Variants in HSD17B12 observed in about 807,000 individuals in gnomAD.
The protein encoded by HSD17B12 is hydroxysteroid 17-beta dehydrogenase 12.
A neutral mutation model predicts 39.3 loss-of-function variants in HSD17B12; 32 were observed. The ratio of observed to expected loss-of-function variants is 0.81; its 90% confidence interval spans 0.61 to 1.09. HSD17B12 has a LOEUF of 1.09. HSD17B12 is among the 50% of genes least tolerant of loss of function. HSD17B12 has a pLI of 0.00. For synonymous variants in HSD17B12, 150 were observed against 146.7 expected, an observed-to-expected ratio of 1.02 and a Z score of -0.16; for missense variants, 342 against 382.9, an observed-to-expected ratio of 0.89 and a Z score of 0.89.
the HSD17B12 span, among the ~76,000 whole-genome samples, chr11:43,574,237 T>C: frequency 6.6e-6 from 1 of 152,164 alleles, no homozygotes; most frequent in African/African-American, 2.4e-5. Context: ...AAAAGGGAGA[T>C]GACACAGCTG....
At chr11:43,640,443 A>G in the HSD17B12 span, among the ~76,000 whole-genome samples, 1 of 152,170 alleles carries the variant, frequency 6.6e-6, no homozygotes, top group East Asian at 1.9e-4. Context: ...AATTCAGCCT[A>G]AATTGAGTAT....
At chr11:43,678,377 G>C (rs1253214961), upstream of HSD17B12, among the ~76,000 whole-genome samples, 1 of 152,150 alleles carries the variant, frequency 6.6e-6, no homozygotes, top group Non-Finnish European at 1.5e-5. Context: ...CTCCCATTCT[G>C]TAGGTTGCCT....
intron 1 of HSD17B12, among the ~76,000 whole-genome samples, chr11:43,747,601 C>G (rs1235474185): frequency 1.3e-5 from 2 of 152,176 alleles, no homozygotes; most frequent in East Asian, 3.8e-4. Context: ...AGGAGAAAGA[C>G]ACTCCTTTGA....
chr11:43,828,054 A>G (rs981316005), intron 6 of HSD17B12, among the ~76,000 whole-genome samples: 19 of 152,228 alleles, frequency 1.2e-4, no homozygotes, highest in Middle Eastern at 3.4e-3. Context: ...ATATATGTAT[A>G]TAAAGAGGAA....
chr11:43,780,802 G>C (rs911823117), intron 3 of HSD17B12, among the ~76,000 whole-genome samples: 3 of 152,080 alleles, frequency 2.0e-5, no homozygotes, highest in Non-Finnish European at 2.9e-5. Flanking sequence ...TACATCTTTT[G>C]TCAAATTCTT....
At chr11:43,676,215 G>GTA (rs775189332), upstream of HSD17B12, among the ~76,000 whole-genome samples, 1 of 151,174 alleles carries the variant, frequency 6.6e-6, no homozygotes, top group Non-Finnish European at 1.5e-5. Flanking sequence ...GAGGGTGTGT[G>GTA]TGTGTGTGTG....
chr11:43,686,726 T>A (rs188887265), intron 1 of HSD17B12, among the ~76,000 whole-genome samples: 41 of 152,256 alleles, frequency 2.7e-4, no homozygotes, highest in African/African-American at 9.4e-4. Flanking sequence ...ATAGGCTTAT[T>A]GTGAAGGGTA....
At chr11:43,681,136 C>G (rs910831985) in intron 1 of HSD17B12, 149 bp downstream of exon 1, 3 of 1,419,782 alleles carry the variant, frequency 2.1e-6, no homozygotes, top group East Asian at 5.3e-5. Flanking sequence ...CCCCTCCTGG[C>G]TCCCTTGGCT....
chr11:43,821,746 G>A (rs960654533), intron 6 of HSD17B12, among the ~76,000 whole-genome samples: 4 of 152,154 alleles, frequency 2.6e-5, no homozygotes, highest in South Asian at 4.1e-4. Context: ...TGTACACTGA[G>A]GTTCACATCA....
chr11:43,741,193 AT>A (rs1950361289), intron 1 of HSD17B12, among the ~76,000 whole-genome samples: 1 of 152,240 alleles, frequency 6.6e-6, no homozygotes. Context: ...ATATTTTTAA[AT>A]TTTGACATTC....
intron 3 of HSD17B12, among the ~76,000 whole-genome samples, chr11:43,761,260 T>C (rs999682142): frequency 2.0e-5 from 3 of 152,248 alleles, no homozygotes; most frequent in Non-Finnish European, 4.4e-5. Flanking sequence ...GGGAGAAGGA[T>C]AGATTCTTAC....
At chr11:43,840,097 G>GT in intron 9 of HSD17B12, 33 bp downstream of exon 9, 2 of 1,573,390 alleles carry the variant, frequency 1.3e-6, no homozygotes, top group Non-Finnish European at 1.7e-6. Context: ...AAGTATCCCT[G>GT]TTTTTGTGTG....
the HSD17B12 span, among the ~76,000 whole-genome samples, chr11:43,633,803 G>A: frequency 0.011 from 1,678 of 151,996 alleles, 11 homozygotes; most frequent in South Asian, 0.023. Context: ...GGCTGGGCAC[G>A]GTGGCTCACA....
At chr11:43,713,393 T>C (rs1182073944) in intron 1 of HSD17B12, among the ~76,000 whole-genome samples, 1 of 151,064 alleles carries the variant, frequency 6.6e-6, no homozygotes, top group African/African-American at 2.4e-5. Flanking sequence ...GTTTTTTGTC[T>C]TTGCGATAGT....
chr11:43,846,682 G>T (rs773968717), intron 9 of HSD17B12, among the ~76,000 whole-genome samples: 3 of 152,130 alleles, frequency 2.0e-5, no homozygotes, highest in Non-Finnish European at 2.9e-5. Flanking sequence ...TAAAAATAAA[G>T]AGGAGTCCTG....
intron 1 of HSD17B12, among the ~76,000 whole-genome samples, chr11:43,736,175 T>C (rs573216345): frequency 6.6e-6 from 1 of 152,256 alleles, no homozygotes; most frequent in South Asian, 2.1e-4. Flanking sequence ...AGTGAAAAAA[T>C]CAGGCAGAAG....
At chr11:43,813,637 AG>A (rs1342629082) in intron 4 of HSD17B12, among the ~76,000 whole-genome samples, 3 of 152,214 alleles carry the variant, frequency 2.0e-5, no homozygotes, top group Admixed American at 1.3e-4. Context: ...AGGTGGTTAA[AG>A]CAAAGTCAAG....
intron 9 of HSD17B12, chr11:43,852,244 T>C (rs1479229596): frequency 6.6e-6 from 1 of 152,116 alleles, no homozygotes; most frequent in Non-Finnish European, 1.5e-5. Context: ...CACCAAGTGG[T>C]TCAGTCAGGC....
chr11:43,722,031 GTAT>G lies in HSD17B12; in HGVS notation c.161-28877_161-28875del, dbSNP rs372891241. ...AGTGAGAAGTGGTCATACGTGGTATGTATTAGACAGGTCTTATGGATTATTGAA... is the reference window on the plus strand; with the variant it reads ...AGTGAGAAGTGGTCATACGTGGTATGTAGACAGGTCTTATGGATTATTGAA... On this transcript the variant is annotated intron_variant, in intron 1 of 10. Transcript: ENST00000278353. Among the ~76,000 whole-genome samples, 199 of 152,280 alleles carry G rather than the reference GTAT, an allele frequency of 1.3e-3. 1 individual carries two copies. Among genetic ancestry groups the G allele is most frequent in the African/African-American group, 4.6e-3 (191 of 41,544 alleles).
Sources: allele counts gnomAD v4.1 joint callset (sites outside exome capture counted in the v4.1 genomes callset), GRCh38; gene constraint gnomAD v4.1.1; transcripts MANE v1.5; gene names NCBI Gene and HGNC (gene_info 2026-07-23, HGNC 2026-07-21).